PSD3: variants seen among roughly 807,000 people sequenced by gnomAD.
The protein encoded by PSD3 is pleckstrin and Sec7 domain containing 3.
Under a neutral mutation model 105.5 loss-of-function variants are expected in PSD3, and 49 were observed. The observed-to-expected ratio is 0.46, with a 90% CI of 0.37 to 0.59. The LOEUF (loss-of-function observed/expected upper bound fraction) is 0.59. PSD3 is among the 20% of genes least tolerant of loss of function. The probability of loss-of-function intolerance (pLI) is 0.00; values close to 1 mark genes in which losing one functional copy is unlikely to be tolerated. For missense variants in PSD3, 1,561 were observed against 1,263.8 expected (o/e 1.24, Z -3.57); for synonymous variants, 557 against 457.8 (o/e 1.22, Z -2.77).
chr8:18,764,105 A>C (rs943803992), intron 9 of PSD3, among the ~76,000 whole-genome samples: 1 of 152,176 alleles, frequency 6.6e-6, no homozygotes. Context: ...GCCAACCGTC[A>C]TGCAGGTTAC....
At chr8:18,990,435 T>A (rs77476233) in intron 1 of PSD3, among the ~76,000 whole-genome samples, 1 of 152,334 alleles carries the variant, frequency 6.6e-6, no homozygotes, top group African/African-American at 2.4e-5. Context: ...ATGGCCATTG[T>A]GCTTGATATT....
At chr8:18,937,628 C>T (rs1005850386) in intron 1 of PSD3, among the ~76,000 whole-genome samples, 14 of 152,148 alleles carry the variant, frequency 9.2e-5, no homozygotes, top group African/African-American at 2.7e-4. Flanking sequence ...ATGTTCATAA[C>T]GCGTCAAATG....
At chr8:18,674,002 G>T (rs1309443056) in intron 9 of PSD3, among the ~76,000 whole-genome samples, 2 of 152,084 alleles carry the variant, frequency 1.3e-5, no homozygotes, top group Non-Finnish European at 2.9e-5. Context: ...AATGAGCTGC[G>T]CATGGTGGTG....
intron 1 of PSD3, among the ~76,000 whole-genome samples, chr8:18,995,622 G>C (rs542865569): frequency 1.3e-4 from 19 of 151,998 alleles, no homozygotes; most frequent in South Asian, 4.2e-4. Flanking sequence ...AGACATGCCC[G>C]GGACTCAGTA....
rs556315102 is a variant in PSD3 at position 18,922,383 on chromosome 8, G to A, written c.130+13651C>T. 6.6e-5 allele frequency among the ~76,000 whole-genome samples: 10 copies of A among 152,274 alleles called. No individual in the cohort carries two copies. The East Asian group carries it at 1.9e-3, about 29-fold the overall frequency. ...AAAAAGTTTGACCTCAATTACATCTGGTGCAGCAAGTCTGTGGAGATTAAA... is the reference window on the plus strand; with the variant it reads ...AAAAAGTTTGACCTCAATTACATCTAGTGCAGCAAGTCTGTGGAGATTAAA... On this transcript the variant is annotated intron_variant, in intron 2 of 15. Coordinates refer to ENST00000327040, the MANE Select transcript of PSD3 (RefSeq NM_015310.4).
At chr8:18,687,826 G>T (rs1445189869) in intron 9 of PSD3, among the ~76,000 whole-genome samples, 1 of 152,040 alleles carries the variant, frequency 6.6e-6, no homozygotes, top group Non-Finnish European at 1.5e-5. Flanking sequence ...GAGTACAGTG[G>T]CATGATCTTG....
chr8:18,531,468 G>GCCT lies in PSD3; in HGVS notation c.*4274_*4275insAGG, dbSNP rs34795038. The stretch of plus-strand genomic sequence containing the variant: ...ATCTGAGAGAAAAATCAGTGACAAA[G>GCCT]CCCCTCTCTATTGCTATCAATAATC... On this transcript the variant is annotated 3_prime_UTR_variant, in exon 16 of 16. Coordinates refer to ENST00000327040, the MANE Select transcript of PSD3 (RefSeq NM_015310.4). 4.1e-5 allele frequency: 1 copy of GCCT among 24,506 alleles called. No individual in the cohort carries two copies. Among genetic ancestry groups the GCCT allele is most frequent in the Non-Finnish European group, 2.4e-4 (1 of 4,100 alleles). 1.5% of individuals were successfully genotyped at this position (24,506 alleles called of 1,614,324 possible).
chr8:18,810,408 G>A (rs1039703685), intron 4 of PSD3, among the ~76,000 whole-genome samples: 17 of 152,216 alleles, frequency 1.1e-4, no homozygotes, highest in South Asian at 2.1e-4. Context: ...ACTGACATCA[G>A]TAGAATACTA....
In PSD3 at chr8:18,808,111, G is replaced by A. The variant is rs181757427; in HGVS notation, c.1635-3213C>T. On this transcript the variant is annotated intron_variant, in intron 4 of 15. Transcript: ENST00000327040. ...GGTTACTTTGTGTTTTCCCATACAA[G>A]TGACAGAAATGTAAAATATTTATTC... 9.7e-4 allele frequency among the ~76,000 whole-genome samples: 147 copies of A among 152,242 alleles called. 1 individual carries two copies. Among genetic ancestry groups the A allele is most frequent in the African/African-American group, 3.3e-3 (139 of 41,560 alleles).
chr8:18,881,445 T>G (rs1818098090), intron 2 of PSD3, among the ~76,000 whole-genome samples: 2 of 152,222 alleles, frequency 1.3e-5, no homozygotes, highest in African/African-American at 4.8e-5. Flanking sequence ...TAAATCAAAC[T>G]GGTTTTCTTC....
At chr8:18,779,944 C>T (rs1013938834) in intron 8 of PSD3, among the ~76,000 whole-genome samples, 21 of 152,184 alleles carry the variant, frequency 1.4e-4, no homozygotes, top group African/African-American at 5.1e-4. Flanking sequence ...CGCATTTGAT[C>T]TAAAACGAAG....
chr8:18,943,412 T>A (rs1822677041), intron 1 of PSD3, among the ~76,000 whole-genome samples: 1 of 152,174 alleles, frequency 6.6e-6, no homozygotes, highest in African/African-American at 2.4e-5. Context: ...ATTCTTCTTA[T>A]AAAAGCACAA....
chr8:18,786,604 G>T (rs766634895), intron 8 of PSD3, among the ~76,000 whole-genome samples: 1 of 152,198 alleles, frequency 6.6e-6, no homozygotes, highest in Non-Finnish European at 1.5e-5. Context: ...GGGCAAGATG[G>T]ATATATAGAT....
chr8:18,919,581 G>A (rs779047980), intron 2 of PSD3, among the ~76,000 whole-genome samples: 46 of 151,906 alleles, frequency 3.0e-4, no homozygotes, highest in East Asian at 7.8e-4. Flanking sequence ...AAGGTGGGGC[G>A]GGGCAGGACT....
intron 9 of PSD3, among the ~76,000 whole-genome samples, chr8:18,714,082 A>G (rs1265589932): frequency 6.6e-6 from 1 of 152,222 alleles, no homozygotes; most frequent in Non-Finnish European, 1.5e-5. Flanking sequence ...AGCCATATGC[A>G]TAAAATTGAA....
At chr8:18,729,388 C>T (rs1430347430) in intron 9 of PSD3, among the ~76,000 whole-genome samples, 1 of 152,184 alleles carries the variant, frequency 6.6e-6, no homozygotes, top group Non-Finnish European at 1.5e-5. Context: ...TTAGTCCATA[C>T]TCAATACCAA....
chr8:19,010,443 A>G (rs1191929834), intron 1 of PSD3, among the ~76,000 whole-genome samples: 3 of 152,242 alleles, frequency 2.0e-5, no homozygotes, highest in Non-Finnish European at 2.9e-5. Flanking sequence ...GCAAAGATTC[A>G]TTATTAATGT....
intron 1 of PSD3, among the ~76,000 whole-genome samples, chr8:19,045,903 C>G (rs1430994715): frequency 2.0e-5 from 3 of 152,208 alleles, no homozygotes; most frequent in Non-Finnish European, 4.4e-5. Flanking sequence ...TGCATTACGT[C>G]TAATCATCAC....
intron 1 of PSD3, among the ~76,000 whole-genome samples, chr8:19,052,133 T>G (rs770084114): frequency 2.0e-5 from 3 of 152,106 alleles, no homozygotes; most frequent in Non-Finnish European, 4.4e-5. Context: ...GCAAGGATGG[T>G]CCAGAAAAGC....
Sources: gnomAD v4.1 joint callset for allele counts (sites outside exome capture counted in the v4.1 genomes callset) on GRCh38, gnomAD v4.1.1 for gene constraint, MANE v1.5 for transcripts, NCBI Gene and HGNC (gene_info 2026-07-23, HGNC 2026-07-21) for gene names.